Variants in CSMD3 observed in about 807,000 individuals in gnomAD.
CSMD3 encodes CUB and sushi domain-containing protein 3.
CSMD3 carries 177 observed loss-of-function variants against 435.2 expected under a neutral mutation model. The ratio of observed to expected loss-of-function variants is 0.41; its 90% CI spans 0.36 to 0.46. CSMD3 has a LOEUF of 0.46. Among genes scored for constraint, CSMD3 ranks in the 20% least tolerant of loss-of-function variants. CSMD3 has a pLI of 0.34. For synonymous variants in CSMD3, 1,656 were observed against 1,520.5 expected, an observed-to-expected ratio of 1.09 and a Z score of -2.07; for missense variants, 4,265 against 4,504.6, an observed-to-expected ratio of 0.95 and a Z score of 1.52.
chr8:112,399,125 C>T (rs1375614553), intron 35 of CSMD3, among the ~76,000 whole-genome samples: 1 of 151,974 alleles, frequency 6.6e-6, no homozygotes, highest in African/African-American at 2.4e-5. Flanking sequence ...CCACGCTGGC[C>T]AGGGCTGGTC....
intron 1 of CSMD3, among the ~76,000 whole-genome samples, chr8:113,406,213 T>C (rs1198129306): frequency 1.3e-5 from 2 of 151,912 alleles, no homozygotes; most frequent in Non-Finnish European, 2.9e-5. Context: ...TTATAAAGAA[T>C]TGTGTTCAGT....
chr8:113,159,656 T>G (rs2092001372), intron 4 of CSMD3, among the ~76,000 whole-genome samples: 1 of 152,062 alleles, frequency 6.6e-6, no homozygotes, highest in African/African-American at 2.4e-5. Flanking sequence ...TCATATGTAC[T>G]TCTCAAGCTT....
At chr8:113,229,930 C>A (rs998324566) in intron 3 of CSMD3, among the ~76,000 whole-genome samples, 3 of 151,498 alleles carry the variant, frequency 2.0e-5, no homozygotes, top group African/African-American at 7.3e-5. Context: ...GGCCATTTGT[C>A]TAGACCCCAT....
intron 12 of CSMD3, among the ~76,000 whole-genome samples, chr8:112,826,938 G>T (rs1326033931): frequency 6.6e-6 from 1 of 151,538 alleles, no homozygotes; most frequent in Non-Finnish European, 1.5e-5. Flanking sequence ...TGTCCAAAAA[G>T]GATATCAATT....
At chr8:113,395,787 T>A (rs899050766) in intron 1 of CSMD3, among the ~76,000 whole-genome samples, 1 of 152,194 alleles carries the variant, frequency 6.6e-6, no homozygotes, top group Admixed American at 6.5e-5. Flanking sequence ...TCCCTGATCT[T>A]GTACCTTTGC....
chr8:112,342,846 A>T (rs1316234904), intron 41 of CSMD3, among the ~76,000 whole-genome samples: 2 of 151,606 alleles, frequency 1.3e-5, no homozygotes, highest in African/African-American at 4.8e-5. Context: ...ATGCAACCTT[A>T]ATATGTGAAG....
chr8:112,731,550 G>A (rs965939637), intron 13 of CSMD3, among the ~76,000 whole-genome samples: 1 of 151,918 alleles, frequency 6.6e-6, no homozygotes, highest in African/African-American at 2.4e-5. Context: ...TTACATTTTT[G>A]TATTTTCTTA....
rs768094922 is a variant in CSMD3, at chr8:112,304,712, T to C, written c.8266+9A>G. 3.1e-6 allele frequency: 5 copies of C among 1,600,914 alleles called. No homozygotes were observed. Among genetic ancestry groups the C allele is most frequent in the Non-Finnish European group, 3.4e-6 (4 of 1,168,012 alleles). ...CTTATGAAATAAGTTTAGCAGAGTG[T>C]ATACTTACTTTGGCAATATGGTCTT... On this transcript the variant is annotated intron_variant, in intron 52 of 70. Coordinates refer to ENST00000297405, the MANE Select transcript of CSMD3 (RefSeq NM_198123.2).
chr8:112,614,641 AT>A (rs1222307562), intron 22 of CSMD3, among the ~76,000 whole-genome samples: 1 of 151,982 alleles, frequency 6.6e-6, no homozygotes, highest in Non-Finnish European at 1.5e-5. Flanking sequence ...AGAGCTTTTT[AT>A]TTTTAGAATT....
chr8:113,169,529 C>T (rs1473632765), intron 4 of CSMD3, among the ~76,000 whole-genome samples: 3 of 152,090 alleles, frequency 2.0e-5, no homozygotes. Context: ...ATACAATATA[C>T]CACTCTTTTA....
chr8:112,225,317 C>T (rs762559033), intron 70 of CSMD3, among the ~76,000 whole-genome samples: 3 of 151,612 alleles, frequency 2.0e-5, no homozygotes, highest in African/African-American at 4.9e-5. Context: ...ATCTATTATG[C>T]GCCAGTCATG....
chr8:112,793,308 CTA>C (rs887506275), intron 13 of CSMD3, among the ~76,000 whole-genome samples: 11 of 150,144 alleles, frequency 7.3e-5, no homozygotes, highest in South Asian at 6.3e-4. Flanking sequence ...CCTCATATTT[CTA>C]TGTTTCCTTT....
chr8:112,896,928 A>G (rs1234631754), intron 10 of CSMD3, among the ~76,000 whole-genome samples: 2 of 151,328 alleles, frequency 1.3e-5, no homozygotes, highest in African/African-American at 4.8e-5. Flanking sequence ...AGGCTATTCC[A>G]AAGAAATTAT....
At chr8:113,200,422 A>G (rs956054467) in intron 3 of CSMD3, among the ~76,000 whole-genome samples, 1 of 151,718 alleles carries the variant, frequency 6.6e-6, no homozygotes, top group Admixed American at 6.6e-5. Flanking sequence ...CTTAAAAGGT[A>G]AATCATAACA....
chr8:112,740,728 G>A lies in CSMD3; in HGVS notation c.1973-50678C>T, dbSNP rs115790823. ...GCTTGACAGACATGGTGAACAGCACGCCACACGTAACAGGAGGTCTAGACT... is the reference window on the plus strand; with the variant it reads ...GCTTGACAGACATGGTGAACAGCACACCACACGTAACAGGAGGTCTAGACT... On this transcript the variant is annotated intron_variant, in intron 13 of 70. Coordinates refer to ENST00000297405, the MANE Select transcript of CSMD3 (RefSeq NM_198123.2). 9.0e-3 allele frequency among the ~76,000 whole-genome samples: 1,373 copies of A among 151,910 alleles called. 19 individuals carry two copies. The highest frequency in any genetic ancestry group is 0.031 in the African/African-American group (1,297 of 41,492).
chr8:113,206,651 C>A (rs1032533176), intron 3 of CSMD3, among the ~76,000 whole-genome samples: 7 of 152,106 alleles, frequency 4.6e-5, no homozygotes, highest in African/African-American at 1.7e-4. Flanking sequence ...TACATAGATT[C>A]AAATGCACAT....
At chr8:113,340,962 T>A (rs921358880) in intron 1 of CSMD3, among the ~76,000 whole-genome samples, 1 of 152,120 alleles carries the variant, frequency 6.6e-6, no homozygotes, top group Non-Finnish European at 1.5e-5. Flanking sequence ...TATCACTTAT[T>A]CTTCTTTATT....
chr8:112,600,730 T>C (rs199764719), intron 22 of CSMD3, among the ~76,000 whole-genome samples: 2 of 152,006 alleles, frequency 1.3e-5, no homozygotes, highest in East Asian at 1.9e-4. Flanking sequence ...CTGTCACCCA[T>C]GCTGGAGTGC....
chr8:112,650,210 A>G lies in CSMD3; in HGVS notation c.3144T>C (p.Leu1048=), dbSNP rs954969437. 1.9e-6 allele frequency: 3 copies of G among 1,613,852 alleles called. No individual in the cohort carries two copies. In the African/African-American group the frequency reaches 4.0e-5, roughly 22 times the overall value. The part of the protein sequence containing the change: ...SGYRLSHEEP[L]LCEKNHWWSH... ...TCCACCAGTGGTTTTTTTCGCATAG[A>G]AGGGGCTCTTCATGACTCAACCTGT... Residue 1048 remains leucine, a synonymous_variant, in exon 19 of 71, where the codon CTT becomes CTC. Transcript: ENST00000297405.
Sources: allele counts gnomAD v4.1 joint callset (sites outside exome capture counted in the v4.1 genomes callset), GRCh38; gene constraint gnomAD v4.1.1; transcripts MANE v1.5; gene names NCBI Gene and HGNC (gene_info 2026-07-23, HGNC 2026-07-21).